Variants in SMG1 observed in about 807,000 individuals in gnomAD.
The protein encoded by SMG1 is serine/threonine-protein kinase SMG1.
Under a neutral mutation model 419.9 loss-of-function variants are expected in SMG1, and 22 were observed. That is an observed-to-expected ratio of 0.05 (90% CI 0.04 to 0.07). SMG1 has a LOEUF of 0.07. Ranked by LOEUF, SMG1 falls within the 10% of genes least tolerant of loss-of-function variation. SMG1 has a pLI of 1.00. For synonymous variants in SMG1, 1,538 were observed against 1,553.5 expected (o/e 0.99, Z 0.23); for missense variants, 3,185 against 4,342.0 (o/e 0.73, Z 7.49).
chr16:18,854,976 A>C, intron 29 of SMG1, 72 bp from the exon 30 acceptor site: 1 of 1,447,904 alleles, frequency 6.9e-7, no homozygotes, highest in Non-Finnish European at 9.3e-7. Context: ...TGGCCAAAAA[A>C]TTATTCCCCA....
chr16:18,828,505 C>T (rs1036031235), intron 54 of SMG1, among the ~76,000 whole-genome samples: 1 of 144,974 alleles, frequency 6.9e-6, no homozygotes, highest in South Asian at 2.2e-4. Context: ...GAATACAAAT[C>T]CATCTCACCC....
At chr16:18,903,205 A>C (rs2037416177) in intron 1 of SMG1, among the ~76,000 whole-genome samples, 1 of 152,010 alleles carries the variant, frequency 6.6e-6, no homozygotes, top group South Asian at 2.1e-4. Context: ...CTTCCAAGGA[A>C]CCTCTAATAT....
At chr16:18,882,074 A>G in intron 10 of SMG1, 91 bp downstream of exon 10, 1 of 863,504 alleles carries the variant, frequency 1.2e-6, no homozygotes, top group South Asian at 2.2e-5. Flanking sequence ...CAAATGAAGG[A>G]TTAATAACAG....
At chr16:18,813,487 T>C (rs1051079504) in intron 60 of SMG1, among the ~76,000 whole-genome samples, 11 of 152,116 alleles carry the variant, frequency 7.2e-5, no homozygotes, top group African/African-American at 2.7e-4. Context: ...AGTGTCTGTT[T>C]ATATCCTTCG....
At chr16:18,849,906 A>G in intron 35 of SMG1, 43 bp downstream of exon 35, 8 of 1,571,710 alleles carry the variant, frequency 5.1e-6, no homozygotes, top group Non-Finnish European at 6.9e-6. Context: ...TATATATCCT[A>G]GTGAGAAACT....
chr16:18,867,508 A>G (rs1431996790), intron 22 of SMG1, among the ~76,000 whole-genome samples: 1 of 150,350 alleles, frequency 6.7e-6, no homozygotes, highest in Non-Finnish European at 1.5e-5. Flanking sequence ...TGGGCGACAA[A>G]GTGAAACTGT....
At chr16:18,925,457 C>T (rs1040551189) in intron 1 of SMG1, 3 of 153,924 alleles carry the variant, frequency 1.9e-5, no homozygotes, top group African/African-American at 7.2e-5. Flanking sequence ...CAGAGCAATG[C>T]CTTAGCTGGA....
intron 51 of SMG1, among the ~76,000 whole-genome samples, chr16:18,831,621 G>T (rs750081710): frequency 2.3e-4 from 35 of 151,088 alleles, no homozygotes; most frequent in Non-Finnish European, 4.0e-4. Context: ...CCGGGCATGG[G>T]GGCATACGTC....
chr16:18,897,424 G>C (rs1377506409), intron 1 of SMG1, among the ~76,000 whole-genome samples: 1 of 152,056 alleles, frequency 6.6e-6, no homozygotes, highest in Non-Finnish European at 1.5e-5. Context: ...TGTCAGGGAC[G>C]GGCAATGTCT....
At chr16:18,887,589 G>C (rs2036673062) in intron 6 of SMG1, among the ~76,000 whole-genome samples, 1 of 123,016 alleles carries the variant, frequency 8.1e-6, no homozygotes, top group Non-Finnish European at 1.6e-5. Context: ...CCTGGACTCA[G>C]GCGATTCACC....
intron 1 of SMG1, among the ~76,000 whole-genome samples, chr16:18,922,535 G>A (rs553600922): frequency 1.3e-5 from 2 of 152,250 alleles, no homozygotes; most frequent in African/African-American, 4.8e-5. Context: ...GTGTGATGTC[G>A]CTCAGGACAA....
At chr16:18,909,054 T>C (rs1030582964) in intron 1 of SMG1, among the ~76,000 whole-genome samples, 4 of 150,886 alleles carry the variant, frequency 2.7e-5, no homozygotes, top group South Asian at 2.1e-4. Context: ...TCTTTAAAAA[T>C]AATCCTGGCC....
intron 55 of SMG1, among the ~76,000 whole-genome samples, chr16:18,821,221 C>CTTTTTTTTTTTTTTTTTTTTTT (rs869238782): frequency 7.0e-4 from 25 of 35,596 alleles, no homozygotes; most frequent in South Asian, 1.7e-3. Flanking sequence ...TAGTATGTTT[C>CTTTTTTTTTTTTTTTTTTTTTT]TTTTTTTTTT....
intron 36 of SMG1, among the ~76,000 whole-genome samples, chr16:18,848,318 CTTT>C (rs34583374): frequency 1.6e-3 from 226 of 142,168 alleles, no homozygotes; most frequent in Middle Eastern, 0.011. Flanking sequence ...TGGTATAATC[CTTT>C]TTTTTTTTTT....
chr16:18,829,852 T>A (rs1281981627), intron 53 of SMG1, 74 bp downstream of exon 53: 14 of 1,430,828 alleles, frequency 9.8e-6, no homozygotes, highest in Non-Finnish European at 9.4e-7. Context: ...ATAATTAAAT[T>A]AAGCCTACTC....
Position 18,891,282 on chromosome 16 carries a change from G to A in SMG1, c.550-361C>T, listed in dbSNP as rs183942690. ...ATGTTAACGACAAAAATTAGATGACGGGTTTAACAGATTCAATGTCAAATT... is the reference window on the plus strand; with the variant it reads ...ATGTTAACGACAAAAATTAGATGACAGGTTTAACAGATTCAATGTCAAATT... On this transcript the variant is annotated intron_variant, in intron 4 of 62. Coordinates refer to ENST00000446231, the MANE Select transcript of SMG1 (RefSeq NM_015092.5). Among the ~76,000 whole-genome samples the A allele has an allele frequency of 1.5e-3, 235 of 152,208 alleles. 3 individuals carry two copies. Among genetic ancestry groups the A allele is most frequent in the African/African-American group, 5.1e-3 (213 of 41,514 alleles).
intron 1 of SMG1, among the ~76,000 whole-genome samples, chr16:18,906,981 A>C (rs2141929529): frequency 6.6e-6 from 1 of 152,324 alleles, no homozygotes; most frequent in East Asian, 1.9e-4. Flanking sequence ...GGCTGAGTGA[A>C]ACTCCTTTTT....
At chr16:18,853,446 C>T in intron 31 of SMG1, 137 bp downstream of exon 31, 1 of 810,360 alleles carries the variant, frequency 1.2e-6, no homozygotes, top group Non-Finnish European at 1.8e-6. Flanking sequence ...TAGTTATTTC[C>T]CAACAATAAA....
intron 1 of SMG1, chr16:18,900,063 A>G: frequency 2.2e-6 from 3 of 1,369,224 alleles, no homozygotes; most frequent in Non-Finnish European, 3.0e-6. Context: ...CAGTAGTTAC[A>G]ATATTAGTGA....
Sources: allele counts gnomAD v4.1 joint callset (sites outside exome capture counted in the v4.1 genomes callset), GRCh38; gene constraint gnomAD v4.1.1; transcripts MANE v1.5; gene names NCBI Gene and HGNC (gene_info 2026-07-23, HGNC 2026-07-21).